MTHFD1L: variants seen among roughly 807,000 people sequenced by gnomAD.
MTHFD1L encodes monofunctional C1-tetrahydrofolate synthase, mitochondrial.
Under a neutral mutation model 119.5 loss-of-function variants are expected in MTHFD1L, and 81 were observed. That is an observed-to-expected ratio of 0.68 (90% confidence interval 0.57 to 0.82). The LOEUF is 0.82. MTHFD1L is among the 40% of genes least tolerant of loss of function. MTHFD1L has a pLI of 0.00. For missense variants in MTHFD1L, 1,125 were observed against 1,253.4 expected (o/e 0.90, Z 1.55); for synonymous variants, 430 against 475.2 (o/e 0.90, Z 1.24).
chr6:150,914,169 C>T (rs1272629448), intron 8 of MTHFD1L, among the ~76,000 whole-genome samples: 6 of 151,498 alleles, frequency 4.0e-5, no homozygotes, highest in East Asian at 3.9e-4. Flanking sequence ...TTGTGGCATG[C>T]GCCTGTAGTC....
chr6:150,962,914 C>CTTTTTT (rs4035893), intron 18 of MTHFD1L, among the ~76,000 whole-genome samples: 101 of 114,100 alleles, frequency 8.9e-4, no homozygotes, highest in African/African-American at 1.6e-3. Flanking sequence ...CTTTTCTTTT[C>CTTTTTT]TTTTTTTTTT....
intron 26 of MTHFD1L, among the ~76,000 whole-genome samples, chr6:151,085,233 G>A (rs967729142): frequency 7.9e-5 from 12 of 151,794 alleles, no homozygotes; most frequent in South Asian, 4.2e-4. Context: ...AATTTAATCA[G>A]GAACAGGCTT....
intron 24 of MTHFD1L, among the ~76,000 whole-genome samples, chr6:151,024,598 G>T (rs1784382436): frequency 6.6e-6 from 1 of 152,132 alleles, no homozygotes; most frequent in South Asian, 2.1e-4. Flanking sequence ...GGAGACTGAG[G>T]CGGGCAGATC....
In MTHFD1L at chr6:150,877,911, G is replaced by A. The variant is rs188304669; in HGVS notation, c.417+85G>A. ...CATTGGCGTCTCTTAGTGGTGGCTG[G>A]GACAGATCTAAGATTTGCTTGTGAC... On this transcript the variant is annotated intron_variant, in intron 4 of 27. Coordinates refer to ENST00000367321, the MANE Select transcript of MTHFD1L (RefSeq NM_015440.5). 7.8e-5 allele frequency: 117 copies of A among 1,503,496 alleles called. No homozygotes were observed. In the Middle Eastern group the frequency reaches 1.3e-3, roughly 16 times the overall value. 93.1% of individuals were successfully genotyped at this position (1,503,496 alleles called of 1,614,324 possible). A position where few individuals can be genotyped will look rare whatever the true frequency, so the allele number is the denominator to read the frequency against.
intron 24 of MTHFD1L, among the ~76,000 whole-genome samples, chr6:151,025,717 T>C (rs1189064386): frequency 3.9e-5 from 6 of 152,238 alleles, no homozygotes; most frequent in Non-Finnish European, 5.9e-5. Flanking sequence ...AAAAGAACCA[T>C]GTATTTGTCA....
Position 150,877,195 on chromosome 6 carries a change from G to A in MTHFD1L, c.313-439G>A, listed in dbSNP as rs192951452. 2.1e-3 allele frequency among the ~76,000 whole-genome samples: 313 copies of A among 152,246 alleles called. 2 individuals are homozygous for A. The highest frequency in any genetic ancestry group is 1.8e-3 in the Non-Finnish European group (121 of 68,020). On this transcript the variant is annotated intron_variant, in intron 2 of 27. Transcript: ENST00000367321. ...AGCCTCCTGAGTAGCTAGGACTGCAGGCATGCACCATCACGCCGGGCTAAT... is the reference window on the plus strand; with the variant it reads ...AGCCTCCTGAGTAGCTAGGACTGCAAGCATGCACCATCACGCCGGGCTAAT...
At chr6:151,043,537 T>G (rs1787475876) in intron 26 of MTHFD1L, among the ~76,000 whole-genome samples, 1 of 152,116 alleles carries the variant, frequency 6.6e-6, no homozygotes, top group Non-Finnish European at 1.5e-5. Flanking sequence ...CTCACAGTGT[T>G]TTTTAAAACA....
At chr6:150,902,355 T>C (rs1785213806) in intron 7 of MTHFD1L, among the ~76,000 whole-genome samples, 1 of 152,214 alleles carries the variant, frequency 6.6e-6, no homozygotes, top group Non-Finnish European at 1.5e-5. Flanking sequence ...CTTGTCTGCC[T>C]GGGGAGTGGG....
rs1789284390 is a variant in MTHFD1L at position 150,923,123 on chromosome 6, A to C, written c.1082+821A>C. 3.3e-5 allele frequency among the ~76,000 whole-genome samples: 5 copies of C among 152,308 alleles called. No homozygotes were observed. In the South Asian group the frequency reaches 1.0e-3, roughly 32 times the overall value. ...GGGGATAAAGGACCGTCCAAACCAA[A>C]CATTATTCCACGTGGGAACTGAGCT... On this transcript the variant is annotated intron_variant, in intron 10 of 27. Transcript: ENST00000367321.
chr6:150,918,535 C>T, intron 8 of MTHFD1L, 42 bp from the exon 9 acceptor site: 1 of 1,316,624 alleles, frequency 7.6e-7, no homozygotes, highest in East Asian at 2.3e-5. Context: ...TTAGAAATGA[C>T]AGTGTACTGA....
intron 17 of MTHFD1L, among the ~76,000 whole-genome samples, chr6:150,958,392 A>G (rs2128993102): frequency 6.6e-6 from 1 of 152,308 alleles, no homozygotes; most frequent in African/African-American, 2.4e-5. Flanking sequence ...TAGTAAGTAT[A>G]CACATATATT....
intron 20 of MTHFD1L, among the ~76,000 whole-genome samples, chr6:150,989,775 C>T (rs1419587120): frequency 6.6e-6 from 1 of 152,156 alleles, no homozygotes; most frequent in Non-Finnish European, 1.5e-5. Flanking sequence ...AGACACATGA[C>T]ATACTCTTAG....
chr6:151,080,998 T>C (rs1267943674), intron 26 of MTHFD1L, among the ~76,000 whole-genome samples: 1 of 152,086 alleles, frequency 6.6e-6, no homozygotes, highest in Admixed American at 6.6e-5. Flanking sequence ...CGACTTCCTG[T>C]CTCCAAATGT....
chr6:150,940,600 A>G (rs1276390174), intron 13 of MTHFD1L, among the ~76,000 whole-genome samples: 1 of 125,934 alleles, frequency 7.9e-6, no homozygotes, highest in East Asian at 1.9e-4. Flanking sequence ...TTATTTTTTG[A>G]GATGGAGTCT....
chr6:150,961,169 C>G (rs1402134116), intron 18 of MTHFD1L, among the ~76,000 whole-genome samples: 1 of 149,802 alleles, frequency 6.7e-6, no homozygotes, highest in East Asian at 2.0e-4. Context: ...TCTCAGCTCA[C>G]TGCAGCCCCT....
intron 24 of MTHFD1L, among the ~76,000 whole-genome samples, chr6:151,028,199 A>G (rs1784848102): frequency 6.6e-6 from 1 of 152,162 alleles, no homozygotes; most frequent in African/African-American, 2.4e-5. Flanking sequence ...CTTGTCCTAC[A>G]GGAAGTAAAC....
chr6:151,067,537 T>C (rs562864871), intron 26 of MTHFD1L, among the ~76,000 whole-genome samples: 1 of 152,336 alleles, frequency 6.6e-6, no homozygotes, highest in South Asian at 2.1e-4. Flanking sequence ...TTGGCCAGGC[T>C]GGTCTCGAAC....
Position 151,041,070 on chromosome 6 carries a change from G to A in MTHFD1L, c.2847+3953G>A, listed in dbSNP as rs368018420. 3.9e-5 allele frequency among the ~76,000 whole-genome samples: 6 copies of A among 152,048 alleles called. No individual in the cohort carries two copies. In the South Asian group the frequency reaches 8.3e-4, roughly 21 times the overall value. ...GGCCACACACGGGGTCGCAGTGAGC[G>A]TCAGTGCACAGTGATGAAATCTCCT... On this transcript the variant is annotated intron_variant, in intron 26 of 27. Coordinates refer to ENST00000367321, the MANE Select transcript of MTHFD1L (RefSeq NM_015440.5).
intron 19 of MTHFD1L, among the ~76,000 whole-genome samples, chr6:150,968,556 C>G (rs1316818042): frequency 2.6e-5 from 4 of 152,202 alleles, no homozygotes; most frequent in Non-Finnish European, 4.4e-5. Context: ...GTCGCCCAGC[C>G]TGGAGTGCAA....
Sources: allele counts gnomAD v4.1 joint callset (sites outside exome capture counted in the v4.1 genomes callset), GRCh38; gene constraint gnomAD v4.1.1; transcripts MANE v1.5; gene names NCBI Gene and HGNC (gene_info 2026-07-23, HGNC 2026-07-21).